The following CNTNAP4 variants were observed in gnomAD, a reference collection of about 807,000 sequenced individuals.
CNTNAP4 encodes the protein contactin associated protein family member 4.
A neutral mutation model predicts 148.4 loss-of-function variants in CNTNAP4; 98 were observed. The observed-to-expected ratio is 0.66, with a 90% CI of 0.56 to 0.78. CNTNAP4 has a LOEUF of 0.78. CNTNAP4 is among the 30% of genes least tolerant of loss of function. CNTNAP4 has a pLI of 0.00. For synonymous variants in CNTNAP4, 730 were observed against 565.1 expected (o/e 1.29, Z -4.14); for missense variants, 1,935 against 1,565.6 (o/e 1.24, Z -3.98).
intron 8 of CNTNAP4, among the ~76,000 whole-genome samples, chr16:76,456,863 G>A (rs2080750807): frequency 1.3e-5 from 2 of 152,190 alleles, no homozygotes; most frequent in African/African-American, 4.8e-5. Context: ...CTATCCAGCA[G>A]CTGGATGTGA....
chr16:76,360,811 C>T (rs1363889012), intron 3 of CNTNAP4, among the ~76,000 whole-genome samples: 1 of 142,196 alleles, frequency 7.0e-6, no homozygotes, highest in Non-Finnish European at 1.5e-5. Context: ...TAAAACATGG[C>T]TGCATTTTTT....
intron 3 of CNTNAP4, among the ~76,000 whole-genome samples, chr16:76,418,341 C>CT (rs199695663): frequency 2.0e-4 from 29 of 144,028 alleles, no homozygotes; most frequent in East Asian, 1.0e-3. Flanking sequence ...TCTATTACAG[C>CT]TTTTTTTTTC....
chr16:76,451,773 A>T lies in CNTNAP4; in HGVS notation c.1072-735A>T, dbSNP rs576577987. Among the ~76,000 whole-genome samples, 213 of 152,212 alleles carry T rather than the reference A, an allele frequency of 1.4e-3. 1 individual carries two copies. The highest frequency in any genetic ancestry group is 4.9e-3 in the African/African-American group (202 of 41,518). On this transcript the variant is annotated intron_variant, in intron 7 of 23. Coordinates refer to ENST00000611870, the MANE Select transcript of CNTNAP4 (RefSeq NM_033401.5). ...AAGCTGCAGGTTAATGGGTACAAAA[A>T]TATGATTAGAAAGAAGAGGGGCAAT...
At chr16:76,460,753 CAAAA>C (rs1158805627) in intron 8 of CNTNAP4, among the ~76,000 whole-genome samples, 16 of 15,520 alleles carry the variant, frequency 1.0e-3, no homozygotes, top group African/African-American at 3.3e-3. Context: ...ACTCATGTCT[CAAAA>C]AAAAAAAAAA....
intron 1 of CNTNAP4, among the ~76,000 whole-genome samples, chr16:76,312,345 C>A (rs756631439): frequency 6.6e-6 from 1 of 152,098 alleles, no homozygotes; most frequent in Non-Finnish European, 1.5e-5. Flanking sequence ...TGGTTGAGAA[C>A]CTCTGAATTG....
intron 2 of CNTNAP4, among the ~76,000 whole-genome samples, chr16:76,333,848 G>A (rs1027176459): frequency 8.0e-6 from 1 of 125,608 alleles, no homozygotes; most frequent in Non-Finnish European, 1.6e-5. Context: ...CTTCCACAAT[G>A]GTTGAACTAG....
chr16:76,334,984 G>T (rs1311604952), intron 2 of CNTNAP4, among the ~76,000 whole-genome samples: 1 of 152,058 alleles, frequency 6.6e-6, no homozygotes, highest in African/African-American at 2.4e-5. Flanking sequence ...GGTGTATTGT[G>T]TTGTAGATTG....
chr16:76,376,275 A>C (rs1003317168), intron 3 of CNTNAP4, among the ~76,000 whole-genome samples: 6 of 152,206 alleles, frequency 3.9e-5, no homozygotes, highest in Non-Finnish European at 8.8e-5. Context: ...TGTCTCACTG[A>C]GTGCAGCGGT....
At chr16:76,309,866 C>G (rs1044625613) in intron 1 of CNTNAP4, 6 of 701,326 alleles carry the variant, frequency 8.6e-6, no homozygotes, top group Non-Finnish European at 1.6e-5. Flanking sequence ...TTTTCTCTTG[C>G]AGCCGCCATG....
chr16:76,384,332 G>A (rs1220856945), intron 3 of CNTNAP4, among the ~76,000 whole-genome samples: 1 of 151,986 alleles, frequency 6.6e-6, no homozygotes. Context: ...TTGAGCCACC[G>A]CGCCCAGCCA....
At chr16:76,280,546 A>G (rs1002224159) in intron 1 of CNTNAP4, among the ~76,000 whole-genome samples, 4 of 152,126 alleles carry the variant, frequency 2.6e-5, no homozygotes, top group Non-Finnish European at 4.4e-5. Context: ...CTGTCTAAAG[A>G]TGAAATATGT....
intron 15 of CNTNAP4, among the ~76,000 whole-genome samples, chr16:76,520,649 T>C (rs933254013): frequency 6.6e-6 from 1 of 152,098 alleles, no homozygotes; most frequent in African/African-American, 2.4e-5. Flanking sequence ...GTTTAGAAAA[T>C]CACAAGGCCC....
Position 76,540,778 on chromosome 16 carries a change from G to C in CNTNAP4, c.3430G>C (p.Gly1144Arg). The change falls in exon 21 of 24, where the codon GGC becomes CGC. Residue 1144 changes from glycine to arginine, a missense_variant. Gly to Arg is a moderately radical substitution (Grantham distance 125). Coordinates refer to ENST00000611870, the MANE Select transcript of CNTNAP4 (RefSeq NM_033401.5). The stretch of plus-strand genomic sequence containing the variant: ...CAGTGCAGTCAAATCTCTGGTATTG[G>C]GCAGGATTTTAGGTAAGTGAAAGAA... The part of the protein sequence containing the change: ...EFSAVKSLVL[G>R]RILEHSDVDQ... 6.4e-7 allele frequency: 1 copy of C among 1,566,196 alleles called. No homozygotes were observed. The highest frequency in any genetic ancestry group is 2.3e-5 in the East Asian group (1 of 42,982).
intron 15 of CNTNAP4, among the ~76,000 whole-genome samples, chr16:76,513,826 C>A (rs1318933400): frequency 2.6e-5 from 4 of 152,028 alleles, no homozygotes; most frequent in Non-Finnish European, 5.9e-5. Context: ...TGACTTTAAC[C>A]GTGTAAATAA....
At chr16:76,520,389 A>C (rs935137560) in intron 15 of CNTNAP4, among the ~76,000 whole-genome samples, 1 of 152,220 alleles carries the variant, frequency 6.6e-6, no homozygotes, top group Non-Finnish European at 1.5e-5. Context: ...AATTATAATT[A>C]ACTTTATAGT....
At chr16:76,455,444 C>G (rs2080689300) in intron 8 of CNTNAP4, among the ~76,000 whole-genome samples, 1 of 152,190 alleles carries the variant, frequency 6.6e-6, no homozygotes, top group Non-Finnish European at 1.5e-5. Flanking sequence ...AATGGAGCAG[C>G]CCCCTTGATT....
chr16:76,320,239 G>C (rs1962263205), intron 2 of CNTNAP4, among the ~76,000 whole-genome samples: 1 of 152,170 alleles, frequency 6.6e-6, no homozygotes, highest in Non-Finnish European at 1.5e-5. Context: ...GTAAAGATTA[G>C]ATCTTGTAAA....
chr16:76,397,937 ATTATATACATATATATATAT>A (rs2078259296), intron 3 of CNTNAP4, among the ~76,000 whole-genome samples: 1 of 73,234 alleles, frequency 1.4e-5, no homozygotes, highest in Non-Finnish European at 2.6e-5. Flanking sequence ...GAACTAATAG[ATTATATACATATATATATAT>A]ATATATATAT....
In CNTNAP4 at chr16:76,285,259, G is replaced by T. The variant is rs183889382; in HGVS notation, c.85+7512G>T. Reference sequence around the variant, plus strand: ...AAATAGCATAACAGCAGGTAAAAATGAGCCTGTTTATGTTACAGTTAATGA... The same window carrying T: ...AAATAGCATAACAGCAGGTAAAAATTAGCCTGTTTATGTTACAGTTAATGA... On this transcript the variant is annotated intron_variant, in intron 1 of 23. Transcript: ENST00000611870. 5.3e-5 allele frequency among the ~76,000 whole-genome samples: 8 copies of T among 152,092 alleles called. No homozygotes were observed. In the East Asian group the frequency reaches 1.2e-3, roughly 22 times the overall value.
Sources: gnomAD v4.1 joint callset for allele counts (sites outside exome capture counted in the v4.1 genomes callset) on GRCh38, gnomAD v4.1.1 for gene constraint, MANE v1.5 for transcripts, NCBI Gene and HGNC (gene_info 2026-07-23, HGNC 2026-07-21) for gene names.